The following AFG2A variants were observed in gnomAD, a reference collection of about 807,000 sequenced individuals.
AFG2A encodes AAA ATPase AFG2A.
At chr4:123,022,276 G>A in the AFG2A span, among the ~76,000 whole-genome samples, 8,131 of 151,882 alleles carry the variant, frequency 0.054, 517 homozygotes, top group African/African-American at 0.16. Flanking sequence ...GAAAATTTTC[G>A]CAACCTACTC....
chr4:123,297,261 T>C, the AFG2A span, among the ~76,000 whole-genome samples: 1 of 152,254 alleles, frequency 6.6e-6, no homozygotes, highest in Non-Finnish European at 1.5e-5. Context: ...TCAAAAATAA[T>C]GGCCTAATTG....
At chr4:123,098,522 C>T in the AFG2A span, among the ~76,000 whole-genome samples, 3 of 151,988 alleles carry the variant, frequency 2.0e-5, no homozygotes, top group East Asian at 5.8e-4. Flanking sequence ...CTTCCCAACT[C>T]CCTTAGACCT....
chr4:123,079,745 C>CTTTTTTTTTTTTTTTTT, the AFG2A span, among the ~76,000 whole-genome samples: 1 of 72,660 alleles, frequency 1.4e-5, no homozygotes, highest in Non-Finnish European at 2.4e-5. Flanking sequence ...TCTTTTCCTT[C>CTTTTTTTTTTTTTTTTT]TTTTTTTTTT....
the AFG2A span, among the ~76,000 whole-genome samples, chr4:123,052,387 A>T: frequency 6.6e-6 from 1 of 152,160 alleles, no homozygotes; most frequent in African/African-American, 2.4e-5. Context: ...GCTCTCTTAA[A>T]ACAGGTATTT....
At chr4:122,971,888 G>GT in the AFG2A span, among the ~76,000 whole-genome samples, 1 of 152,124 alleles carries the variant, frequency 6.6e-6, no homozygotes, top group East Asian at 1.9e-4. Context: ...TCACAATTTT[G>GT]TAATTCTTTT....
chr4:123,109,717 G>A, the AFG2A span, among the ~76,000 whole-genome samples: 3 of 152,056 alleles, frequency 2.0e-5, no homozygotes, highest in East Asian at 5.8e-4. Flanking sequence ...TTACCACATA[G>A]TTTACTTATA....
the AFG2A span, among the ~76,000 whole-genome samples, chr4:123,159,400 A>G: frequency 6.6e-6 from 1 of 152,196 alleles, no homozygotes; most frequent in Non-Finnish European, 1.5e-5. Context: ...TAGAAGTCAT[A>G]GAAGTGTTGC....
chr4:123,087,707 T>C, the AFG2A span, among the ~76,000 whole-genome samples: 1 of 152,178 alleles, frequency 6.6e-6, no homozygotes, highest in African/African-American at 2.4e-5. Flanking sequence ...ACCCTGGCAC[T>C]GGCTCTCATG....
the AFG2A span, among the ~76,000 whole-genome samples, chr4:123,124,151 C>G: frequency 6.6e-6 from 1 of 151,934 alleles, no homozygotes; most frequent in Non-Finnish European, 1.5e-5. Context: ...TATACCCAAA[C>G]GATTATAAAT....
At chr4:123,204,419 C>T in the AFG2A span, among the ~76,000 whole-genome samples, 1 of 152,092 alleles carries the variant, frequency 6.6e-6, no homozygotes, top group Non-Finnish European at 1.5e-5. Context: ...TGTAGTGATA[C>T]CTCATTGTGA....
At chr4:123,106,043 G>A in the AFG2A span, among the ~76,000 whole-genome samples, 2 of 152,238 alleles carry the variant, frequency 1.3e-5, no homozygotes, top group South Asian at 4.1e-4. Context: ...AGAGTCAGTC[G>A]ATGTGGCATA....
the AFG2A span, among the ~76,000 whole-genome samples, chr4:123,244,750 CAT>C: frequency 4.6e-5 from 7 of 152,182 alleles, no homozygotes; most frequent in Admixed American, 2.6e-4. Flanking sequence ...TATCCAGAAA[CAT>C]ATTCTGAGCA....
the AFG2A span, among the ~76,000 whole-genome samples, chr4:123,130,179 T>C: frequency 1.3e-5 from 1 of 74,372 alleles, no homozygotes; most frequent in Non-Finnish European, 4.0e-5. Flanking sequence ...AGCTAATATA[T>C]ATATATTTTT....
the AFG2A span, among the ~76,000 whole-genome samples, chr4:123,146,293 TAAAG>T: frequency 6.6e-6 from 1 of 151,602 alleles, no homozygotes; most frequent in Non-Finnish European, 1.5e-5. Flanking sequence ...TAAAAGGAAA[TAAAG>T]AACCCAAGAA....
chr4:123,253,967 T>A, the AFG2A span, among the ~76,000 whole-genome samples: 3 of 152,212 alleles, frequency 2.0e-5, no homozygotes. Flanking sequence ...TAACTAATGA[T>A]GTTAAGTATC....
chr4:123,044,741 A>G, the AFG2A span, among the ~76,000 whole-genome samples: 1 of 151,860 alleles, frequency 6.6e-6, no homozygotes, highest in East Asian at 1.9e-4. Flanking sequence ...TATTGTTGTT[A>G]TTAAGGGACC....
At chr4:123,122,361 GC>G in the AFG2A span, among the ~76,000 whole-genome samples, 1 of 152,166 alleles carries the variant, frequency 6.6e-6, no homozygotes, top group Non-Finnish European at 1.5e-5. Flanking sequence ...ATTTAGCGTA[GC>G]TTACCTTATA....
the AFG2A span, among the ~76,000 whole-genome samples, chr4:123,185,870 A>G: frequency 3.3e-5 from 5 of 152,030 alleles, no homozygotes; most frequent in Non-Finnish European, 7.4e-5. Context: ...CAGCCTGAGC[A>G]ACAGAGCGAG....
chr4:122,973,186 A>G, the AFG2A span, among the ~76,000 whole-genome samples: 3 of 152,058 alleles, frequency 2.0e-5, no homozygotes, highest in Non-Finnish European at 4.4e-5. Flanking sequence ...TGCCTATTTG[A>G]TAGTAGATAT....
Sources: allele counts gnomAD v4.1 joint callset (sites outside exome capture counted in the v4.1 genomes callset), GRCh38; gene constraint gnomAD v4.1.1; transcripts MANE v1.5; gene names NCBI Gene and HGNC (gene_info 2026-07-23, HGNC 2026-07-21).